Variants in SCAPER observed in about 807,000 individuals in gnomAD.
SCAPER encodes the protein S phase cyclin A-associated protein in the endoplasmic reticulum.
Under a neutral mutation model 182.2 loss-of-function variants are expected in SCAPER, and 98 were observed. The observed-to-expected ratio is 0.54, with a 90% CI of 0.46 to 0.64. The LOEUF is 0.64. Ranked by LOEUF, SCAPER falls within the 30% of genes least tolerant of loss-of-function variation. The probability of loss-of-function intolerance (pLI) is 0.00; values close to 1 mark genes in which losing one functional copy is unlikely to be tolerated. For synonymous variants in SCAPER, 605 were observed against 564.6 expected, an observed-to-expected ratio of 1.07 and a Z score of -1.01; for missense variants, 1,432 against 1,690.0, an observed-to-expected ratio of 0.85 and a Z score of 2.68.
chr15:76,582,883 G>A (rs539470202), intron 22 of SCAPER, among the ~76,000 whole-genome samples: 28 of 152,112 alleles, frequency 1.8e-4, no homozygotes, highest in Non-Finnish European at 2.8e-4. Flanking sequence ...TTCAATAAAT[G>A]GTGCCGAGAG....
At chr15:76,434,531 T>G (rs2047068501) in intron 25 of SCAPER, among the ~76,000 whole-genome samples, 1 of 152,210 alleles carries the variant, frequency 6.6e-6, no homozygotes, top group South Asian at 2.1e-4. Context: ...TTCTCATCTA[T>G]AAAACAAGGA....
chr15:76,806,934 G>C (rs543390510), intron 5 of SCAPER, among the ~76,000 whole-genome samples: 8 of 151,968 alleles, frequency 5.3e-5, no homozygotes, highest in Non-Finnish European at 1.2e-4. Context: ...TGCTAAACTT[G>C]TTTATTAGCT....
At chr15:76,711,697 G>A (rs1460890306) in intron 17 of SCAPER, among the ~76,000 whole-genome samples, 1 of 152,158 alleles carries the variant, frequency 6.6e-6, no homozygotes, top group Admixed American at 6.5e-5. Flanking sequence ...GTGATGATGA[G>A]CACTTTTTCA....
At chr15:76,802,934 T>A (rs759801564) in intron 6 of SCAPER, among the ~76,000 whole-genome samples, 15 of 152,252 alleles carry the variant, frequency 9.9e-5, no homozygotes, top group Non-Finnish European at 1.6e-4. Context: ...CTAAGTCCAT[T>A]TGATTATCTA....
At chr15:76,582,303 C>T (rs1162570254) in intron 22 of SCAPER, among the ~76,000 whole-genome samples, 1 of 152,158 alleles carries the variant, frequency 6.6e-6, no homozygotes, top group Non-Finnish European at 1.5e-5. Context: ...AGCATTTCTA[C>T]ATCCTGACAG....
At chr15:76,529,813 G>A (rs1338444209) in intron 23 of SCAPER, among the ~76,000 whole-genome samples, 1 of 152,168 alleles carries the variant, frequency 6.6e-6, no homozygotes, top group East Asian at 1.9e-4. Flanking sequence ...CAAAGAGTCG[G>A]GCAAATCTAG....
At chr15:76,713,853 A>G (rs59996054) in intron 17 of SCAPER, among the ~76,000 whole-genome samples, 2,824 of 152,172 alleles carry the variant, frequency 0.019, 86 homozygotes, top group African/African-American at 0.063. Context: ...ATATACATCT[A>G]CTCTACAACC....
chr15:76,892,285 A>G (rs1360134652), intron 1 of SCAPER, among the ~76,000 whole-genome samples: 1 of 152,236 alleles, frequency 6.6e-6, no homozygotes, highest in Non-Finnish European at 1.5e-5. Context: ...TGACTAAAAC[A>G]CCAAAAGCAA....
intron 23 of SCAPER, among the ~76,000 whole-genome samples, chr15:76,509,220 A>G (rs1051753280): frequency 1.6e-4 from 24 of 152,232 alleles, no homozygotes; most frequent in African/African-American, 5.8e-4. Flanking sequence ...TCCAATTTTT[A>G]GTAGATTCTC....
intron 24 of SCAPER, among the ~76,000 whole-genome samples, chr15:76,495,999 C>G (rs990648007): frequency 3.8e-4 from 12 of 31,788 alleles, no homozygotes; most frequent in African/African-American, 8.5e-4. Context: ...GAGAGACACA[C>G]ACACACACAC....
At chr15:76,796,990 G>T (rs964484366) in intron 7 of SCAPER, among the ~76,000 whole-genome samples, 3 of 152,100 alleles carry the variant, frequency 2.0e-5, no homozygotes, top group Non-Finnish European at 2.9e-5. Flanking sequence ...AGAATACAGA[G>T]ATACGGCAGT....
intron 21 of SCAPER, among the ~76,000 whole-genome samples, chr15:76,650,293 C>G (rs908529656): frequency 1.3e-5 from 2 of 151,544 alleles, no homozygotes; most frequent in Admixed American, 6.6e-5. Flanking sequence ...TATAAAGAGA[C>G]ATAGTTAAAA....
chr15:76,807,909 T>TAG (rs2066292308), intron 5 of SCAPER, among the ~76,000 whole-genome samples: 1 of 152,158 alleles, frequency 6.6e-6, no homozygotes, highest in Non-Finnish European at 1.5e-5. Context: ...TGTGTAAATT[T>TAG]TCATTTTACA....
At chr15:76,899,577 C>T (rs2152625963) in intron 1 of SCAPER, among the ~76,000 whole-genome samples, 1 of 152,316 alleles carries the variant, frequency 6.6e-6, no homozygotes, top group South Asian at 2.1e-4. Context: ...CTCTGCCCGC[C>T]CGCCACCCCG....
At chr15:76,437,534 CTTTT>C (rs1359279451) in intron 25 of SCAPER, among the ~76,000 whole-genome samples, 2 of 152,172 alleles carry the variant, frequency 1.3e-5, no homozygotes, top group Non-Finnish European at 2.9e-5. Context: ...ATACAACTTT[CTTTT>C]TCTTTTACAC....
chr15:76,716,538 G>A (rs62028183), intron 17 of SCAPER, among the ~76,000 whole-genome samples: 10,965 of 151,454 alleles, frequency 0.072, 563 homozygotes, highest in Non-Finnish European at 0.11. Context: ...AAACATAAGA[G>A]AATAAAAACA....
intron 2 of SCAPER, among the ~76,000 whole-genome samples, chr15:76,871,575 T>C (rs1172339601): frequency 2.7e-5 from 4 of 146,156 alleles, no homozygotes; most frequent in African/African-American, 1.0e-4. Context: ...CAATTTGCTT[T>C]TTTTTTTTTT....
Position 76,483,110 on chromosome 15 carries a change from C to T in SCAPER, c.2955-11775G>A, listed in dbSNP as rs191250386. Among the ~76,000 whole-genome samples, 18 of 151,988 alleles carry T rather than the reference C, an allele frequency of 1.2e-4. 1 individual carries two copies. The highest frequency in any genetic ancestry group is 1.0e-3 in the Admixed American group (16 of 15,272). ...GGCTACTAGTCTTATGATAAAGTTACACTAATCAAGAGAATGTGGTATTGG... is the reference window on the plus strand; with the variant it reads ...GGCTACTAGTCTTATGATAAAGTTATACTAATCAAGAGAATGTGGTATTGG... On this transcript the variant is annotated intron_variant, in intron 24 of 31. Transcript: ENST00000563290.
chr15:76,489,685 TAA>T (rs1200435310), intron 24 of SCAPER, among the ~76,000 whole-genome samples: 1 of 152,204 alleles, frequency 6.6e-6, no homozygotes, highest in African/African-American at 2.4e-5. Context: ...AGCATATTTT[TAA>T]GTGTATAATA....
Sources: gnomAD v4.1 joint callset for allele counts (sites outside exome capture counted in the v4.1 genomes callset) on GRCh38, gnomAD v4.1.1 for gene constraint, MANE v1.5 for transcripts, NCBI Gene and HGNC (gene_info 2026-07-23, HGNC 2026-07-21) for gene names.